ARMH3: variants seen among roughly 807,000 people sequenced by gnomAD.
The protein encoded by ARMH3 is armadillo-like helical domain-containing protein 3.
A neutral mutation model predicts 99.1 loss-of-function variants in ARMH3; 60 were observed. The observed-to-expected ratio is 0.61, with a 90% CI of 0.49 to 0.75. The LOEUF (loss-of-function observed/expected upper bound fraction) is 0.75. Ranked by LOEUF, ARMH3 falls within the 30% of genes least tolerant of loss-of-function variation. The probability of loss-of-function intolerance (pLI) is 0.00; values close to 1 mark genes in which losing one functional copy is unlikely to be tolerated. For missense variants in ARMH3, 679 were observed against 843.1 expected (o/e 0.81, Z 2.41); for synonymous variants, 285 against 292.8 (o/e 0.97, Z 0.27).
intron 22 of ARMH3, among the ~76,000 whole-genome samples, chr10:101,943,130 T>C (rs944029771): frequency 3.9e-5 from 6 of 152,108 alleles, no homozygotes; most frequent in Admixed American, 2.0e-4. Context: ...GTTGTAGACA[T>C]AGAGATCAGC....
chr10:101,900,661 A>T (rs536254526), intron 23 of ARMH3, among the ~76,000 whole-genome samples: 46 of 152,182 alleles, frequency 3.0e-4, no homozygotes, highest in Non-Finnish European at 5.3e-4. Flanking sequence ...GCAATTGACT[A>T]GTCTTCTTTT....
chr10:101,857,306 A>G (rs2066757774), intron 24 of ARMH3, among the ~76,000 whole-genome samples: 1 of 152,110 alleles, frequency 6.6e-6, no homozygotes, highest in Admixed American at 6.6e-5. Context: ...AAAAATACAA[A>G]AATTTGCCGG....
At chr10:101,955,894 G>A (rs911106534) in intron 22 of ARMH3, among the ~76,000 whole-genome samples, 9 of 152,164 alleles carry the variant, frequency 5.9e-5, no homozygotes, top group African/African-American at 1.9e-4. Context: ...TAATTAAAAT[G>A]TGTGCAGTTT....
chr10:102,024,065 C>A (rs2136170642), intron 6 of ARMH3, among the ~76,000 whole-genome samples: 1 of 152,296 alleles, frequency 6.6e-6, no homozygotes, highest in East Asian at 1.9e-4. Flanking sequence ...ATGCAGAAGT[C>A]TTCAAGAGGT....
chr10:101,966,296 T>TG (rs1845540931), intron 20 of ARMH3, among the ~76,000 whole-genome samples: 2 of 111,318 alleles, frequency 1.8e-5, no homozygotes, highest in African/African-American at 3.4e-5. Flanking sequence ...TTTTTTTTTT[T>TG]TTTTTTTTTT....
At chr10:101,910,494 C>T (rs1010004170) in intron 23 of ARMH3, among the ~76,000 whole-genome samples, 4 of 152,100 alleles carry the variant, frequency 2.6e-5, no homozygotes, top group African/African-American at 9.7e-5. Flanking sequence ...TTTTGGGAGG[C>T]CGAGACGGGC....
intron 23 of ARMH3, among the ~76,000 whole-genome samples, chr10:101,919,153 G>A (rs1843202946): frequency 6.6e-6 from 1 of 152,162 alleles, no homozygotes; most frequent in Admixed American, 6.5e-5. Context: ...GGGGGAGGGG[G>A]CATATCAACG....
intron 1 of ARMH3, among the ~76,000 whole-genome samples, chr10:102,052,230 C>T (rs1031430345): frequency 1.3e-5 from 2 of 151,848 alleles, no homozygotes; most frequent in African/African-American, 4.8e-5. Context: ...TCCCCCACTC[C>T]CCCGCCCCAC....
chr10:102,010,460 A>T (rs973483795), intron 11 of ARMH3, among the ~76,000 whole-genome samples: 6 of 152,230 alleles, frequency 3.9e-5, no homozygotes, highest in Non-Finnish European at 7.3e-5. Flanking sequence ...CAACCAACAT[A>T]AAGCTATCTT....
chr10:101,877,311 C>T (rs371647877), intron 24 of ARMH3, among the ~76,000 whole-genome samples: 14 of 151,870 alleles, frequency 9.2e-5, no homozygotes, highest in African/African-American at 3.4e-4. Flanking sequence ...TGCAGTGAGC[C>T]ATGATCACAC....
At chr10:102,004,254 A>G (rs1004966161) in intron 14 of ARMH3, among the ~76,000 whole-genome samples, 2 of 152,234 alleles carry the variant, frequency 1.3e-5, no homozygotes, top group African/African-American at 4.8e-5. Flanking sequence ...CACTATAATT[A>G]AGATCTAAAA....
intron 22 of ARMH3, among the ~76,000 whole-genome samples, chr10:101,955,565 A>G (rs1222584794): frequency 6.6e-6 from 1 of 152,218 alleles, no homozygotes; most frequent in Non-Finnish European, 1.5e-5. Context: ...CTTCTTTTCC[A>G]CTGCTGCTTC....
At chr10:101,968,387 T>C (rs1023698361) in intron 20 of ARMH3, among the ~76,000 whole-genome samples, 3 of 152,142 alleles carry the variant, frequency 2.0e-5, no homozygotes, top group African/African-American at 7.2e-5. Flanking sequence ...TAACTTTACT[T>C]TTTGCCAAAA....
intron 23 of ARMH3, among the ~76,000 whole-genome samples, chr10:101,892,865 C>T (rs2067727094): frequency 6.6e-6 from 1 of 152,190 alleles, no homozygotes. Flanking sequence ...CCAAATACGA[C>T]AGACATGAGT....
chr10:101,978,896 C>T (rs879405022), intron 19 of ARMH3, among the ~76,000 whole-genome samples: 14 of 151,464 alleles, frequency 9.2e-5, no homozygotes, highest in African/African-American at 1.2e-4. Flanking sequence ...GCCAAGATGG[C>T]GCCACTGCAC....
At chr10:102,033,516 T>G (rs2067183029) in intron 2 of ARMH3, 177 bp from the exon 3 acceptor site, 3 of 630,848 alleles carry the variant, frequency 4.8e-6, no homozygotes, top group Non-Finnish European at 7.7e-6. Flanking sequence ...CCCCCAGGGT[T>G]CACGCCATTC....
chr10:102,038,482 ACT>A (rs1414354307), intron 2 of ARMH3, among the ~76,000 whole-genome samples: 1 of 152,050 alleles, frequency 6.6e-6, no homozygotes, highest in African/African-American at 2.4e-5. Context: ...AATCTTCTGC[ACT>A]CTGTTTCCAA....
intron 20 of ARMH3, among the ~76,000 whole-genome samples, chr10:101,967,857 T>C (rs1845604625): frequency 6.6e-6 from 1 of 152,100 alleles, no homozygotes; most frequent in Non-Finnish European, 1.5e-5. Flanking sequence ...GAAAATGAAA[T>C]GGCTCTGGCT....
chr10:101,871,487 T>C (rs2067130657), intron 24 of ARMH3, among the ~76,000 whole-genome samples: 1 of 152,228 alleles, frequency 6.6e-6, no homozygotes, highest in Non-Finnish European at 1.5e-5. Context: ...GGAACAGAAC[T>C]GACGGTCCAG....
Sources: allele counts gnomAD v4.1 joint callset (sites outside exome capture counted in the v4.1 genomes callset), GRCh38; gene constraint gnomAD v4.1.1; transcripts MANE v1.5; gene names NCBI Gene and HGNC (gene_info 2026-07-23, HGNC 2026-07-21).